The following ZNF799 variants were observed in gnomAD, a reference collection of about 807,000 sequenced individuals.
ZNF799 encodes the protein zinc finger protein 14.
In ZNF799, 28 loss-of-function variants were observed where a neutral mutation model predicts 41.0. That is an observed-to-expected ratio of 0.68 (90% CI 0.51 to 0.94). ZNF799 has a LOEUF of 0.94. ZNF799 is among the 40% of genes least tolerant of loss of function. The probability of loss-of-function intolerance (pLI) is 0.00; values close to 1 mark genes in which losing one functional copy is unlikely to be tolerated. For missense variants in ZNF799, 716 were observed against 764.3 expected (o/e 0.94, Z 0.74); for synonymous variants, 213 against 252.9 (o/e 0.84, Z 1.50).
chr19:12,391,196 G>C lies in ZNF799; in HGVS notation c.1202C>G (p.Ala401Gly), dbSNP rs1326340468. 9 of 1,614,188 alleles carry C rather than the reference G, an allele frequency of 5.6e-6. No individual in the cohort carries two copies. Among genetic ancestry groups the C allele is most frequent in the South Asian group, 1.1e-5 (1 of 91,080 alleles). Reference sequence around the variant, plus strand: ...TTGAAATACACTGGGATAAACAAAGGCTTTCCCACATATCTTGCATTTGTG... The same window carrying C: ...TTGAAATACACTGGGATAAACAAAGCCTTTCCCACATATCTTGCATTTGTG... ...GPHKCKICGKAFVYPSVFQRH... is the reference protein window; with the variant it reads ...GPHKCKICGKGFVYPSVFQRH... Residue 401 changes from alanine (A) to glycine (G), a missense_variant, in exon 4 of 4, where the codon GCC (alanine) becomes GGC (glycine). This residue lies in a region of ZNF799 where 698 missense variants were observed against 713.6 expected (regional missense o/e 0.98). Coordinates refer to ENST00000430385, the MANE Select transcript of ZNF799 (RefSeq NM_001080821.3).
chr19:12,394,531 G>A, intron 1 of ZNF799: 2 of 959,256 alleles, frequency 2.1e-6, no homozygotes, highest in Non-Finnish European at 2.5e-6. Flanking sequence ...TATACTTACA[G>A]AGAATATTTG....
intron 1 of ZNF799, among the ~76,000 whole-genome samples, chr19:12,399,668 G>C (rs1164820912): frequency 2.8e-5 from 4 of 143,526 alleles, no homozygotes; most frequent in African/African-American, 1.1e-4. Context: ...TTTTGAGACA[G>C]GGTCGGCCTC....
the ZNF799 span, among the ~76,000 whole-genome samples, chr19:12,412,101 C>A: frequency 1.3e-5 from 2 of 151,842 alleles, no homozygotes; most frequent in South Asian, 4.2e-4. Context: ...GCCTGACTCA[C>A]CCCCCACAGC....
chr19:12,407,567 C>T, the ZNF799 span, among the ~76,000 whole-genome samples: 1 of 151,406 alleles, frequency 6.6e-6, no homozygotes, highest in Non-Finnish European at 1.5e-5. Context: ...CATATGCAAA[C>T]TACATAAAAT....
At chr19:12,407,109 G>A in the ZNF799 span, among the ~76,000 whole-genome samples, 1 of 152,042 alleles carries the variant, frequency 6.6e-6, no homozygotes. Context: ...ATGTGTGACT[G>A]GTATACCTGC....
chr19:12,396,923 TACAC>T (rs143970807), intron 1 of ZNF799, among the ~76,000 whole-genome samples: 2 of 148,510 alleles, frequency 1.3e-5, no homozygotes, highest in African/African-American at 5.0e-5. Flanking sequence ...ACTCAGATCA[TACAC>T]ACACACACAC....
At chr19:12,401,283 A>T (rs986870105), upstream of ZNF799, 25 of 1,351,520 alleles carry the variant, frequency 1.8e-5, no homozygotes, top group African/African-American at 4.4e-5. Context: ...GTTCCCACGA[A>T]CCCGCCCCAC....
chr19:12,398,165 AG>A (rs1969927816), intron 1 of ZNF799: 1 of 152,032 alleles, frequency 6.6e-6, no homozygotes, highest in South Asian at 2.1e-4. Flanking sequence ...AGGCTGAGGC[AG>A]GAGAATCGCT....
chr19:12,408,991 C>T, the ZNF799 span, among the ~76,000 whole-genome samples: 10 of 151,678 alleles, frequency 6.6e-5, no homozygotes, highest in South Asian at 4.2e-4. Context: ...GCCGAGATCG[C>T]GCCATTGCAC....
In ZNF799 at chr19:12,391,804, T is replaced by C. The variant is rs1462095145; in HGVS notation, c.594A>G (p.Lys198=). ...MAVQRGDGPY[K]CKLCGKAFFW... is the part of the protein sequence containing the mutation. Reference sequence around the variant, plus strand: ...AAAACGCTTTCCCACACAACTTACATTTATAAGGTCCATCTCCACGCTGCA... The same window carrying C: ...AAAACGCTTTCCCACACAACTTACACTTATAAGGTCCATCTCCACGCTGCA... Residue 198 remains lysine (K), a synonymous_variant, in exon 4 of 4, where the codon AAA becomes AAG. Transcript: ENST00000430385. The C allele has an allele frequency of 4.3e-6, 7 of 1,614,016 alleles. No homozygotes were observed. The African/African-American group carries it at 9.3e-5, about 22-fold the overall frequency.
Position 12,391,196 on chromosome 19 carries a change from G to T in ZNF799, c.1202C>A (p.Ala401Asp). 2 of 1,614,188 alleles carry T rather than the reference G, an allele frequency of 1.2e-6. No individual in the cohort carries two copies. ...GPHKCKICGK[A>D]FVYPSVFQRH... ...TTGAAATACACTGGGATAAACAAAG[G>T]CTTTCCCACATATCTTGCATTTGTG... Residue 401 changes from alanine to aspartate, a missense_variant, in exon 4 of 4, where the codon GCC becomes GAC. By Grantham distance (126) the Ala-to-Asp change is moderately radical. This residue lies in a region of ZNF799 where 698 missense variants were observed against 713.6 expected (regional missense o/e 0.98). Transcript: ENST00000430385.
At chr19:12,405,807 A>T (rs999776744), upstream of ZNF799, among the ~76,000 whole-genome samples, 4 of 152,236 alleles carry the variant, frequency 2.6e-5, no homozygotes, top group African/African-American at 9.6e-5. Context: ...GAAACATGAA[A>T]ATGTGGCTCA....
chr19:12,407,797 T>G, the ZNF799 span, among the ~76,000 whole-genome samples: 1 of 152,190 alleles, frequency 6.6e-6, no homozygotes, highest in African/African-American at 2.4e-5. Context: ...TATGATGCTT[T>G]GTAAAACTAA....
upstream of ZNF799, among the ~76,000 whole-genome samples, chr19:12,404,920 C>A (rs1970019034): frequency 6.6e-6 from 1 of 152,068 alleles, no homozygotes. Context: ...AGGGTGCTGC[C>A]AAAAGAGATT....
At chr19:12,409,198 G>A in the ZNF799 span, among the ~76,000 whole-genome samples, 19 of 78,796 alleles carry the variant, frequency 2.4e-4, no homozygotes, top group Middle Eastern at 5.8e-3. Context: ...CATAAGGAAC[G>A]CACAACCTAG....
At chr19:12,403,463 A>G (rs1318639916), upstream of ZNF799, among the ~76,000 whole-genome samples, 6 of 150,202 alleles carry the variant, frequency 4.0e-5, no homozygotes, top group Non-Finnish European at 8.9e-5. Flanking sequence ...TTTTCTACTA[A>G]TTTTGGGTTT....
chr19:12,401,259 G>C lies in ZNF799; in HGVS notation c.-189C>G, dbSNP rs1969981605. ...TCAACCACACACTCCTCTGGGAAGC[G>C]CGCCTGATTGACAGTTCCCACGAAC... On this transcript the variant is annotated 5_prime_UTR_variant, in exon 1 of 4. Coordinates refer to ENST00000430385, the MANE Select transcript of ZNF799 (RefSeq NM_001080821.3). 1.4e-6 allele frequency: 2 copies of C among 1,389,348 alleles called. No homozygotes were observed. The highest frequency in any genetic ancestry group is 2.7e-5 in the Admixed American group (1 of 36,402). 86.1% of individuals were successfully genotyped at this position (1,389,348 alleles called of 1,614,324 possible).
At chr19:12,398,168 A>T (rs1599608543) in intron 1 of ZNF799, 1 of 151,336 alleles carries the variant, frequency 6.6e-6, no homozygotes, top group Non-Finnish European at 1.5e-5. Flanking sequence ...CTGAGGCAGG[A>T]GAATCGCTTG....
At chr19:12,398,976 T>A (rs1969940143) in intron 1 of ZNF799, among the ~76,000 whole-genome samples, 1 of 152,248 alleles carries the variant, frequency 6.6e-6, no homozygotes, top group South Asian at 2.1e-4. Flanking sequence ...CAACTCTTTC[T>A]AGAATTACTT....
Sources: allele counts gnomAD v4.1 joint callset (sites outside exome capture counted in the v4.1 genomes callset), GRCh38; gene constraint gnomAD v4.1.1; regional missense constraint gnomAD v4.1.1; transcripts MANE v1.5; gene names NCBI Gene and HGNC (gene_info 2026-07-23, HGNC 2026-07-21).